The following CNTNAP5 variants were observed in gnomAD, a reference collection of about 807,000 sequenced individuals.
CNTNAP5 encodes contactin-associated protein-like 5.
CNTNAP5 carries 72 observed loss-of-function variants against 150.2 expected under a neutral mutation model. The ratio of observed to expected loss-of-function variants is 0.48; its 90% confidence interval spans 0.40 to 0.58. CNTNAP5 has a LOEUF of 0.58. Among genes scored for constraint, CNTNAP5 ranks in the 20% least tolerant of loss-of-function variants. CNTNAP5 has a pLI of 0.00. For missense variants in CNTNAP5, 1,636 were observed against 1,626.2 expected (o/e 1.01, Z -0.10); for synonymous variants, 672 against 619.8 (o/e 1.08, Z -1.25).
At chr2:124,700,396 A>G (rs1373768214) in intron 13 of CNTNAP5, among the ~76,000 whole-genome samples, 1 of 152,132 alleles carries the variant, frequency 6.6e-6, no homozygotes, top group Non-Finnish European at 1.5e-5. Context: ...TGGCTGGATC[A>G]TATGGTAATT....
At chr2:124,312,149 G>C (rs1047759120) in intron 3 of CNTNAP5, among the ~76,000 whole-genome samples, 17 of 152,164 alleles carry the variant, frequency 1.1e-4, no homozygotes, top group Non-Finnish European at 1.6e-4. Context: ...TCATATGGGG[G>C]CTCCTTAGTG....
intron 12 of CNTNAP5, among the ~76,000 whole-genome samples, chr2:124,631,256 C>T (rs748811072): frequency 1.8e-4 from 27 of 151,956 alleles, no homozygotes; most frequent in Non-Finnish European, 3.4e-4. Flanking sequence ...AAAAAAAGCT[C>T]GCATAGCCAA....
intron 3 of CNTNAP5, among the ~76,000 whole-genome samples, chr2:124,372,819 C>T (rs7599119): frequency 0.23 from 34,873 of 151,990 alleles, 4,219 homozygotes; most frequent in Middle Eastern, 0.26. Flanking sequence ...ATTAATAATG[C>T]AACACCCATT....
Position 124,606,195 on chromosome 2 carries a change from G to A in CNTNAP5, c.1757-3606G>A, listed in dbSNP as rs113944475. 7.3e-3 allele frequency among the ~76,000 whole-genome samples: 1,106 copies of A among 152,210 alleles called. 12 individuals carry two copies. The highest frequency in any genetic ancestry group is 0.024 in the African/African-American group (1,005 of 41,544). On this transcript the variant is annotated intron_variant, in intron 11 of 23. Transcript: ENST00000682447. ...ATAATATGTAGTTAATCTATGAATA[G>A]CATTTACAATGTCATATCACCAAAA...
chr2:124,693,835 A>G (rs890123478), intron 13 of CNTNAP5, among the ~76,000 whole-genome samples: 38 of 143,942 alleles, frequency 2.6e-4, no homozygotes, highest in Non-Finnish European at 5.4e-4. Flanking sequence ...AGCAAAAAAA[A>G]AAGGCAAAAA....
Position 124,785,058 on chromosome 2 carries a change from CAAAAGA to C in CNTNAP5, c.2753-4827_2753-4822del, listed in dbSNP as rs1268373761. On this transcript the variant is annotated intron_variant, in intron 17 of 23. Coordinates refer to ENST00000682447, the MANE Select transcript of CNTNAP5 (RefSeq NM_001367498.1). The stretch of plus-strand genomic sequence containing the variant: ...AAGGCTGAGAAAAAAAAAAAAAAAA[CAAAAGA>C]AAAAGAAAAAGAAAAAAAACCCTTA... Among the ~76,000 whole-genome samples the C allele has an allele frequency of 5.8e-5, 7 of 120,432 alleles. No individual in the cohort carries two copies. In the South Asian group the frequency reaches 1.0e-3, roughly 18 times the overall value. The allele number at this position is 120,432 out of a possible 152,430, so 79.0% of individuals were successfully genotyped here. A position where few individuals can be genotyped will look rare whatever the true frequency, so the allele number is the denominator to read the frequency against.
At chr2:124,117,292 C>T (rs931199399) in intron 1 of CNTNAP5, among the ~76,000 whole-genome samples, 1 of 152,172 alleles carries the variant, frequency 6.6e-6, no homozygotes, top group African/African-American at 2.4e-5. Flanking sequence ...ATTATTCTAT[C>T]ACTGTCTGAC....
intron 17 of CNTNAP5, among the ~76,000 whole-genome samples, chr2:124,775,258 T>C (rs1681295612): frequency 6.6e-6 from 1 of 152,122 alleles, no homozygotes; most frequent in Non-Finnish European, 1.5e-5. Context: ...GTTCAATAAA[T>C]ATATAGATAA....
intron 3 of CNTNAP5, among the ~76,000 whole-genome samples, chr2:124,360,948 A>G (rs1202922255): frequency 6.9e-6 from 1 of 144,364 alleles, no homozygotes; most frequent in Admixed American, 7.0e-5. Flanking sequence ...AGGTACACCA[A>G]TCAGATGTAG....
chr2:124,902,773 AATAAC>A, intron 21 of CNTNAP5, 104 bp from the exon 22 acceptor site: 1 of 706,108 alleles, frequency 1.4e-6, no homozygotes, highest in Non-Finnish European at 2.3e-6. Context: ...TTACTCAAAC[AATAAC>A]AAGGTAATTT....
chr2:124,830,293 G>T lies in CNTNAP5; in HGVS notation c.3217+31973G>T, dbSNP rs375711717. 1.9e-3 allele frequency among the ~76,000 whole-genome samples: 290 copies of T among 152,056 alleles called. 4 individuals carry two copies. Among genetic ancestry groups the T allele is most frequent in the African/African-American group, 6.6e-3 (274 of 41,500 alleles). On this transcript the variant is annotated intron_variant, in intron 19 of 23. Transcript: ENST00000682447. ...ATTCATTTCACTAGAGTCATAACATGGATGTAAAATACTTAACCCTTTTAA... is the reference window on the plus strand; with the variant it reads ...ATTCATTTCACTAGAGTCATAACATTGATGTAAAATACTTAACCCTTTTAA...
chr2:124,304,483 C>A (rs936967687), intron 3 of CNTNAP5, among the ~76,000 whole-genome samples: 13 of 146,386 alleles, frequency 8.9e-5, no homozygotes, highest in African/African-American at 1.1e-4. Context: ...TAGGAAGGGG[C>A]CAGATCCTTC....
Position 124,832,107 on chromosome 2 carries a change from C to A in CNTNAP5, c.3218-33199C>A, listed in dbSNP as rs114008879. 4.6e-3 allele frequency among the ~76,000 whole-genome samples: 703 copies of A among 152,158 alleles called. 6 individuals carry two copies. The highest frequency in any genetic ancestry group is 0.017 in the Middle Eastern group (5 of 294). ...TTTTATGACATTCTAAAACCTGCCA[C>A]CTTAAAATATCTAGCAGAGGCAAAT... On this transcript the variant is annotated intron_variant, in intron 19 of 23. Transcript: ENST00000682447.
intron 11 of CNTNAP5, among the ~76,000 whole-genome samples, chr2:124,590,769 A>G (rs540267633): frequency 6.6e-6 from 1 of 152,272 alleles, no homozygotes; most frequent in East Asian, 1.9e-4. Context: ...AAAAATATGT[A>G]CTCAGCTTCT....
intron 3 of CNTNAP5, among the ~76,000 whole-genome samples, chr2:124,324,910 A>G (rs1689180140): frequency 6.6e-6 from 1 of 152,186 alleles, no homozygotes; most frequent in Admixed American, 6.5e-5. Context: ...ATGAGTAGGA[A>G]AGACATAAGC....
intron 3 of CNTNAP5, among the ~76,000 whole-genome samples, chr2:124,361,683 C>T (rs890427838): frequency 4.1e-5 from 6 of 146,844 alleles, no homozygotes; most frequent in Admixed American, 6.7e-5. Flanking sequence ...TCTCCAGCTG[C>T]GTGCTGGGAG....
At chr2:124,255,301 G>A (rs1186593614) in intron 3 of CNTNAP5, among the ~76,000 whole-genome samples, 1 of 152,032 alleles carries the variant, frequency 6.6e-6, no homozygotes, top group Non-Finnish European at 1.5e-5. Context: ...AAGGCAGGTG[G>A]ATCACAAGGT....
At chr2:124,487,795 T>A (rs1438136084) in intron 7 of CNTNAP5, among the ~76,000 whole-genome samples, 1 of 151,810 alleles carries the variant, frequency 6.6e-6, no homozygotes, top group African/African-American at 2.4e-5. Flanking sequence ...AAATCTAGGC[T>A]TTTTTTTCCC....
intron 13 of CNTNAP5, among the ~76,000 whole-genome samples, chr2:124,744,253 G>A (rs1335216094): frequency 6.6e-6 from 1 of 151,922 alleles, no homozygotes; most frequent in Non-Finnish European, 1.5e-5. Flanking sequence ...TTTTATAAGG[G>A]GTTTACCCTT....
Sources: gnomAD v4.1 joint callset for allele counts (sites outside exome capture counted in the v4.1 genomes callset) on GRCh38, gnomAD v4.1.1 for gene constraint, MANE v1.5 for transcripts, NCBI Gene and HGNC (gene_info 2026-07-23, HGNC 2026-07-21) for gene names.